Variants in NLGN1 observed in about 807,000 individuals in gnomAD.
NLGN1 encodes the protein neuroligin-1.
In NLGN1, 12 loss-of-function variants were observed where a neutral mutation model predicts 65.5. The observed-to-expected ratio is 0.18, with a 90% CI of 0.12 to 0.30. The LOEUF (loss-of-function observed/expected upper bound fraction) is 0.30, where lower values mean the gene tolerates loss of function less well. Ranked by LOEUF, NLGN1 falls within the 10% of genes least tolerant of loss-of-function variation. The probability of loss-of-function intolerance (pLI) is 1.00; values close to 1 mark genes in which losing one functional copy is unlikely to be tolerated. For missense variants in NLGN1, 750 were observed against 1,007.1 expected (o/e 0.74, Z 3.46); for synonymous variants, 350 against 359.5 (o/e 0.97, Z 0.30).
At chr3:173,450,206 G>T (rs1400347499) in intron 2 of NLGN1, among the ~76,000 whole-genome samples, 8 of 152,146 alleles carry the variant, frequency 5.3e-5, no homozygotes, top group Admixed American at 6.6e-5. Context: ...GGTACTGGTT[G>T]TTCCTTTCCA....
intron 2 of NLGN1, among the ~76,000 whole-genome samples, chr3:173,464,315 A>G (rs1723910612): frequency 6.6e-6 from 1 of 152,148 alleles, no homozygotes; most frequent in African/African-American, 2.4e-5. Context: ...TTTCCCAAAA[A>G]CTATGCTGGT....
intron 4 of NLGN1, among the ~76,000 whole-genome samples, chr3:173,837,654 G>A (rs1255492327): frequency 2.6e-5 from 4 of 152,108 alleles, no homozygotes; most frequent in African/African-American, 4.8e-5. Flanking sequence ...GTACGAGATG[G>A]CCTACATTTG....
chr3:173,753,215 T>C (rs1312061126), intron 3 of NLGN1, among the ~76,000 whole-genome samples: 1 of 152,156 alleles, frequency 6.6e-6, no homozygotes, highest in African/African-American at 2.4e-5. Flanking sequence ...TTTATAATGC[T>C]TAAATTTAGA....
intron 4 of NLGN1, among the ~76,000 whole-genome samples, chr3:174,135,312 A>T (rs1388337216): frequency 6.6e-6 from 1 of 152,214 alleles, no homozygotes. Flanking sequence ...GTAAGTAGTT[A>T]GCTAGAACAT....
chr3:174,275,338 G>T, exon 5 of NLGN1: 2 of 1,612,348 alleles, frequency 1.2e-6, no homozygotes, highest in Non-Finnish European at 1.7e-6. Flanking sequence ...AGGCGATCAG[G>T]CTGCAAAGGG....
rs545312013 is a variant in NLGN1 at position 173,767,376 on chromosome 3, G to A, written c.494-40304G>A. 4.6e-5 allele frequency among the ~76,000 whole-genome samples: 7 copies of A among 152,164 alleles called. No homozygotes were observed. In the East Asian group the frequency reaches 1.4e-3, roughly 29 times the overall value. On this transcript the variant is annotated intron_variant, in intron 3 of 6. Transcript: ENST00000457714. The stretch of plus-strand genomic sequence containing the variant: ...GAGTGATGGACAAACCATACTGATA[G>A]TTGGTTTGTACTTAGCATTAAAAAT...
intron 1 of NLGN1, among the ~76,000 whole-genome samples, chr3:173,430,831 A>G (rs555901781): frequency 6.6e-6 from 1 of 152,258 alleles, no homozygotes; most frequent in African/African-American, 2.4e-5. Flanking sequence ...TTTGCTTTCT[A>G]TCATGAGCAG....
intron 4 of NLGN1, among the ~76,000 whole-genome samples, chr3:174,010,037 C>T (rs60796523): frequency 6.6e-6 from 1 of 152,116 alleles, no homozygotes; most frequent in Non-Finnish European, 1.5e-5. Flanking sequence ...TAAATTTGAA[C>T]TATTTTGGAA....
chr3:174,135,276 G>A (rs1720996680), intron 4 of NLGN1, among the ~76,000 whole-genome samples: 1 of 152,142 alleles, frequency 6.6e-6, no homozygotes, highest in East Asian at 1.9e-4. Flanking sequence ...AAAAACATTT[G>A]TTTTTATTTT....
intron 4 of NLGN1, among the ~76,000 whole-genome samples, chr3:173,985,075 A>C (rs776669622): frequency 6.6e-6 from 1 of 152,150 alleles, no homozygotes; most frequent in Non-Finnish European, 1.5e-5. Context: ...CCTGGTGCCA[A>C]ACTTCAAGGA....
Position 174,054,790 on chromosome 3 carries a change from C to G in NLGN1, c.647-220525C>G, listed in dbSNP as rs372617508. Among the ~76,000 whole-genome samples, 5 of 152,018 alleles carry G rather than the reference C, an allele frequency of 3.3e-5. 1 individual carries two copies. Among genetic ancestry groups the G allele is most frequent in the East Asian group, 3.9e-4 (2 of 5,168 alleles). Reference sequence around the variant, plus strand: ...CACTTTCCATAAAAGTTTCTAAGCACTTATTCGCAATGTCCGATCTTATTT... The same window carrying G: ...CACTTTCCATAAAAGTTTCTAAGCAGTTATTCGCAATGTCCGATCTTATTT... On this transcript the variant is annotated intron_variant, in intron 4 of 6. Transcript: ENST00000457714.
At chr3:173,749,539 A>T (rs1437223766) in intron 3 of NLGN1, among the ~76,000 whole-genome samples, 1 of 152,068 alleles carries the variant, frequency 6.6e-6, no homozygotes, top group Non-Finnish European at 1.5e-5. Flanking sequence ...AATCAATCAA[A>T]CCGTAACTGT....
At chr3:173,906,582 G>A (rs1473083564) in intron 4 of NLGN1, among the ~76,000 whole-genome samples, 4 of 152,040 alleles carry the variant, frequency 2.6e-5, no homozygotes, top group South Asian at 2.1e-4. Context: ...TATATTTTTC[G>A]CCTTTCCCAC....
chr3:174,271,463 T>C (rs1356426262), intron 4 of NLGN1, among the ~76,000 whole-genome samples: 1 of 151,854 alleles, frequency 6.6e-6, no homozygotes. Flanking sequence ...CAGAGAGTTA[T>C]CTGAGTTCCA....
intron 4 of NLGN1, among the ~76,000 whole-genome samples, chr3:173,864,261 G>A (rs1408630661): frequency 2.6e-5 from 4 of 152,080 alleles, no homozygotes; most frequent in African/African-American, 9.7e-5. Flanking sequence ...TTATAAATTT[G>A]TCCTAGTTCA....
chr3:173,524,240 T>C (rs964455008), intron 2 of NLGN1, among the ~76,000 whole-genome samples: 7 of 152,094 alleles, frequency 4.6e-5, no homozygotes, highest in Admixed American at 1.3e-4. Flanking sequence ...ATAATTTCTT[T>C]CATTAGCCTT....
intron 4 of NLGN1, among the ~76,000 whole-genome samples, chr3:174,222,098 A>G (rs1738776816): frequency 6.6e-6 from 1 of 152,146 alleles, no homozygotes; most frequent in South Asian, 2.1e-4. Context: ...GGGAAATCAC[A>G]TAGCCCTGTA....
chr3:173,600,724 T>G (rs1750388735), intron 2 of NLGN1, among the ~76,000 whole-genome samples: 1 of 151,800 alleles, frequency 6.6e-6, no homozygotes, highest in South Asian at 2.1e-4. Flanking sequence ...TAGAGTAATT[T>G]TTTTTAGATT....
chr3:174,222,867 T>A (rs1738916923), intron 4 of NLGN1, among the ~76,000 whole-genome samples: 1 of 152,188 alleles, frequency 6.6e-6, no homozygotes, highest in African/African-American at 2.4e-5. Context: ...GTTGTTCAAT[T>A]GATATAAATG....
Sources: gnomAD v4.1 joint callset for allele counts (sites outside exome capture counted in the v4.1 genomes callset) on GRCh38, gnomAD v4.1.1 for gene constraint, MANE v1.5 for transcripts, NCBI Gene and HGNC (gene_info 2026-07-23, HGNC 2026-07-21) for gene names.